Variants in NAV2 observed in about 807,000 individuals in gnomAD.
NAV2 encodes the protein neuron navigator 2.
Under a neutral mutation model 223.2 loss-of-function variants are expected in NAV2, and 54 were observed. That is an observed-to-expected ratio of 0.24 (90% CI 0.19 to 0.30). NAV2 has a LOEUF of 0.30. Among genes scored for constraint, NAV2 ranks in the 10% least tolerant of loss-of-function variants. The pLI, the probability that NAV2 is intolerant of heterozygous loss-of-function variation, is 1.00. For missense variants in NAV2, 2,806 were observed against 3,147.5 expected, an observed-to-expected ratio of 0.89 and a Z score of 2.60; for synonymous variants, 1,279 against 1,239.3, an observed-to-expected ratio of 1.03 and a Z score of -0.67.
At chr11:20,043,820 C>T (rs564034233) in intron 12 of NAV2, 161 bp from the exon 13 acceptor site, 41 of 565,464 alleles carry the variant, frequency 7.3e-5, no homozygotes, top group African/African-American at 3.4e-4. Context: ...AAAAATCAGT[C>T]TTTCTAACAA....
intron 3 of NAV2, among the ~76,000 whole-genome samples, chr11:19,850,793 AATG>A (rs1392764176): frequency 6.6e-6 from 1 of 152,206 alleles, no homozygotes; most frequent in Non-Finnish European, 1.5e-5. Context: ...TGATAACAAA[AATG>A]ATGATAAGGT....
intron 1 of NAV2, among the ~76,000 whole-genome samples, chr11:19,614,766 G>T (rs190820320): frequency 1.3e-5 from 2 of 152,238 alleles, no homozygotes; most frequent in East Asian, 1.9e-4. Flanking sequence ...TCTGCTCAGG[G>T]CCTCTGTCAG....
chr11:19,523,257 C>T (rs374341665), intron 1 of NAV2, among the ~76,000 whole-genome samples: 1 of 152,224 alleles, frequency 6.6e-6, no homozygotes, highest in Non-Finnish European at 1.5e-5. Flanking sequence ...TCCTGTGTGC[C>T]TTTCACATGC....
At chr11:19,718,488 G>A (rs902935254) in intron 1 of NAV2, among the ~76,000 whole-genome samples, 1 of 149,450 alleles carries the variant, frequency 6.7e-6, no homozygotes, top group African/African-American at 2.4e-5. Flanking sequence ...AAAGCATAGA[G>A]GAGGCCCCTG....
chr11:19,721,797 T>C (rs913691737), intron 1 of NAV2, among the ~76,000 whole-genome samples: 1 of 152,212 alleles, frequency 6.6e-6, no homozygotes, highest in Non-Finnish European at 1.5e-5. Flanking sequence ...GGAAATGTCC[T>C]TTTTCTTGGG....
At chr11:19,625,155 G>A (rs1410459546) in intron 1 of NAV2, among the ~76,000 whole-genome samples, 2 of 152,138 alleles carry the variant, frequency 1.3e-5, no homozygotes, top group Non-Finnish European at 2.9e-5. Flanking sequence ...TAGAACACTA[G>A]ACTTTATTTT....
Position 19,548,013 on chromosome 11 carries a change from A to G in NAV2, c.75+196986A>G, listed in dbSNP as rs571937654. 1.0e-3 allele frequency among the ~76,000 whole-genome samples: 153 copies of G among 152,334 alleles called. 1 individual carries two copies. Among genetic ancestry groups the G allele is most frequent in the African/African-American group, 3.6e-3 (149 of 41,576 alleles). On this transcript the variant is annotated intron_variant, in intron 1 of 37. Coordinates refer to the NAV2 transcript ENST00000360655. ...CCTGCAAGAGGTTAAATAACCAGCC[A>G]CACATCACCTAGCTGGTGAGTAACA... is the stretch of plus-strand genomic sequence containing the variant.
intron 9 of NAV2, among the ~76,000 whole-genome samples, chr11:19,946,733 C>T (rs1318296385): frequency 1.3e-5 from 2 of 152,136 alleles, no homozygotes; most frequent in Non-Finnish European, 2.9e-5. Flanking sequence ...TTGCTAAATC[C>T]ATTCAACAAA....
intron 1 of NAV2, among the ~76,000 whole-genome samples, chr11:19,484,684 C>A (rs1340397188): frequency 6.6e-6 from 1 of 152,236 alleles, no homozygotes; most frequent in African/African-American, 2.4e-5. Context: ...CCTCATCAGC[C>A]TGGCCAGCCC....
At chr11:19,913,314 G>A (rs748262062) in intron 6 of NAV2, among the ~76,000 whole-genome samples, 3 of 152,176 alleles carry the variant, frequency 2.0e-5, no homozygotes, top group Non-Finnish European at 4.4e-5. Context: ...CTGCTAATTA[G>A]CATGAGAGTG....
At chr11:19,496,833 A>G (rs1177992521) in intron 1 of NAV2, among the ~76,000 whole-genome samples, 1 of 152,228 alleles carries the variant, frequency 6.6e-6, no homozygotes, top group Non-Finnish European at 1.5e-5. Flanking sequence ...ACAAAAAACA[A>G]AAACAGAAAC....
chr11:19,480,258 A>G (rs903730243), intron 1 of NAV2, among the ~76,000 whole-genome samples: 25 of 152,122 alleles, frequency 1.6e-4, no homozygotes, highest in Non-Finnish European at 1.0e-4. Context: ...ATCCTGATAT[A>G]CTTTACCAGG....
chr11:19,541,047 A>G (rs1380343438), intron 1 of NAV2, among the ~76,000 whole-genome samples: 1 of 152,236 alleles, frequency 6.6e-6, no homozygotes, highest in African/African-American at 2.4e-5. Flanking sequence ...GGTACTTCTC[A>G]AGTATTTGTC....
intron 1 of NAV2, among the ~76,000 whole-genome samples, chr11:19,811,199 C>T (rs1487296355): frequency 3.3e-5 from 5 of 152,170 alleles, no homozygotes; most frequent in Admixed American, 1.3e-4. Context: ...AGAATCCACA[C>T]CCTTTCTGTT....
intron 1 of NAV2, among the ~76,000 whole-genome samples, chr11:19,362,567 C>T (rs1854018515): frequency 6.6e-6 from 1 of 152,142 alleles, no homozygotes; most frequent in Non-Finnish European, 1.5e-5. Context: ...TGCTCTGTAG[C>T]ATAAATAATA....
chr11:19,611,934 G>A (rs184802687), intron 1 of NAV2, among the ~76,000 whole-genome samples: 335 of 152,360 alleles, frequency 2.2e-3, no homozygotes, highest in African/African-American at 7.2e-3. Flanking sequence ...TGCCCTAGCA[G>A]AGGTTCTCCA....
intron 22 of NAV2, among the ~76,000 whole-genome samples, chr11:20,068,853 C>G (rs994329280): frequency 2.0e-5 from 3 of 152,150 alleles, no homozygotes; most frequent in Non-Finnish European, 1.5e-5. Flanking sequence ...GAGATGCTGC[C>G]AACCAGCATT....
chr11:19,485,905 A>C (rs566714874), intron 1 of NAV2, among the ~76,000 whole-genome samples: 1 of 152,228 alleles, frequency 6.6e-6, no homozygotes, highest in East Asian at 1.9e-4. Flanking sequence ...ATTACAGTAT[A>C]CAGGGAAAGC....
At chr11:19,816,260 T>C (rs2059084787) in intron 1 of NAV2, among the ~76,000 whole-genome samples, 1 of 152,208 alleles carries the variant, frequency 6.6e-6, no homozygotes, top group Non-Finnish European at 1.5e-5. Flanking sequence ...GCAAGCGCAT[T>C]CCTAGGGCCG....
Sources: allele counts gnomAD v4.1 joint callset (sites outside exome capture counted in the v4.1 genomes callset), GRCh38; gene constraint gnomAD v4.1.1; transcripts MANE v1.5; gene names NCBI Gene and HGNC (gene_info 2026-07-23, HGNC 2026-07-21).